NAV1: variants seen among roughly 807,000 people sequenced by gnomAD.
NAV1 encodes neuron navigator 1.
A neutral mutation model predicts 175.2 loss-of-function variants in NAV1; 18 were observed. The ratio of observed to expected loss-of-function variants is 0.10; its 90% CI spans 0.07 to 0.15. The LOEUF is 0.15. Among genes scored for constraint, NAV1 ranks in the 10% least tolerant of loss-of-function variants. The pLI is 1.00. For synonymous variants in NAV1, 897 were observed against 978.7 expected (o/e 0.92, Z 1.56); for missense variants, 1,731 against 2,436.6 (o/e 0.71, Z 6.10).
intron 1 of NAV1, among the ~76,000 whole-genome samples, chr1:201,543,990 C>CA (rs1350016303): frequency 6.6e-6 from 1 of 152,254 alleles, no homozygotes; most frequent in African/African-American, 2.4e-5. Flanking sequence ...CCGGAGGGGC[C>CA]ACCACTGGCC....
intron 15 of NAV1, among the ~76,000 whole-genome samples, chr1:201,802,050 T>C (rs1677911109): frequency 1.4e-5 from 2 of 139,412 alleles, no homozygotes; most frequent in South Asian, 4.8e-4. Flanking sequence ...GGCAGGAGAA[T>C]GGCGTGAACC....
chr1:201,780,366 T>A, intron 3 of NAV1, 55 bp from the exon 8 acceptor site: 1 of 1,605,764 alleles, frequency 6.2e-7, no homozygotes, highest in Non-Finnish European at 8.5e-7. Flanking sequence ...GAAACATTTA[T>A]TTTTTGCCTG....
chr1:201,565,786 G>A (rs1178338979), intron 1 of NAV1, among the ~76,000 whole-genome samples: 1 of 152,098 alleles, frequency 6.6e-6, no homozygotes, highest in Non-Finnish European at 1.5e-5. Flanking sequence ...TTGAAGGTGG[G>A]ACCCCAGGCC....
intron 11 of NAV1, 132 bp downstream of exon 15, chr1:201,789,924 G>A: frequency 1.2e-6 from 1 of 846,686 alleles, no homozygotes; most frequent in Non-Finnish European, 2.0e-6. Flanking sequence ...ACCCATTGGG[G>A]TGGGAATGGG....
chr1:201,780,688 G>A (rs1477056452), intron 4 of NAV1, 129 bp downstream of exon 8: 3 of 1,282,166 alleles, frequency 2.3e-6, no homozygotes, highest in African/African-American at 3.0e-5. Context: ...CTTTGGCCAG[G>A]TCATTTTAGA....
chr1:201,700,733 C>T lies in NAV1; in HGVS notation c.758-12084C>T, dbSNP rs189060923. On this transcript the variant is annotated intron_variant, in intron 1 of 29. Coordinates refer to ENST00000367296, the Ensembl canonical transcript of NAV1. ...GGATTAAGAAAATGTAGCACATTGC[C>T]GGGCGCAATGGCTCACGCCTGTAAT... Among the ~76,000 whole-genome samples the T allele has an allele frequency of 2.8e-4, 42 of 152,208 alleles. No individual in the cohort carries two copies. In the South Asian group the frequency reaches 3.7e-3, roughly 14 times the overall value.
chr1:201,628,678 G>A (rs557941610), intron 1 of NAV1, among the ~76,000 whole-genome samples: 27 of 152,262 alleles, frequency 1.8e-4, no homozygotes, highest in African/African-American at 4.8e-4. Flanking sequence ...ATGGGTGGGC[G>A]GGCCAGCTCC....
intron 1 of NAV1, among the ~76,000 whole-genome samples, chr1:201,564,797 A>T (rs1330786072): frequency 6.6e-6 from 1 of 152,232 alleles, no homozygotes; most frequent in Non-Finnish European, 1.5e-5. Flanking sequence ...TGGAGGATCC[A>T]GGGGAGAATC....
At chr1:201,692,238 G>A (rs1252897366) in intron 1 of NAV1, among the ~76,000 whole-genome samples, 2 of 152,318 alleles carry the variant, frequency 1.3e-5, no homozygotes, top group East Asian at 3.9e-4. Flanking sequence ...CGTGGTGAAT[G>A]CTGAGTTGTG....
chr1:201,645,598 A>G (rs1425672039), upstream of NAV1, among the ~76,000 whole-genome samples: 1 of 152,208 alleles, frequency 6.6e-6, no homozygotes, highest in African/African-American at 2.4e-5. Context: ...GGACTAACCT[A>G]CAGACATGGG....
exon 30 of NAV1, chr1:201,824,972 T>C (rs1679590248): frequency 6.6e-6 from 1 of 152,194 alleles, no homozygotes; most frequent in Non-Finnish European, 1.5e-5. Flanking sequence ...TTTATAGTAT[T>C]GGAGTTCCCA....
At chr1:201,549,612 G>A (rs1300258847) in intron 1 of NAV1, among the ~76,000 whole-genome samples, 3 of 151,732 alleles carry the variant, frequency 2.0e-5, no homozygotes, top group Admixed American at 2.0e-4. Context: ...TCATGATCAT[G>A]TAAATGACAT....
chr1:201,786,365 C>T (rs765664848), intron 8 of NAV1, 64 bp from the exon 13 acceptor site: 61 of 1,526,150 alleles, frequency 4.0e-5, no homozygotes, highest in African/African-American at 6.8e-5. Flanking sequence ...ACACCCTCCG[C>T]ACCAACTAAA....
intron 6 of NAV1, 64 bp from the exon 11 acceptor site, chr1:201,783,342 G>A (rs10920253): frequency 6.8e-7 from 1 of 1,462,192 alleles, no homozygotes; most frequent in African/African-American, 1.4e-5. Flanking sequence ...ATTTCTTTAA[G>A]GTCCTATCTG....
chr1:201,631,814 A>G (rs1052584167), intron 2 of NAV1, among the ~76,000 whole-genome samples: 2 of 152,206 alleles, frequency 1.3e-5, no homozygotes, highest in African/African-American at 4.8e-5. Context: ...TTCCATATCA[A>G]TTTGTAGATG....
intron 1 of NAV1, among the ~76,000 whole-genome samples, chr1:201,626,010 G>A (rs946375463): frequency 1.3e-5 from 2 of 152,178 alleles, no homozygotes; most frequent in African/African-American, 2.4e-5. Context: ...TGGAGAGAGG[G>A]TCATGGCACA....
chr1:201,734,499 G>GAGAAGGAGAAGAAGAAGAAGAAGAAGA (rs1673018410), intron 3 of NAV1, among the ~76,000 whole-genome samples: 64 of 121,152 alleles, frequency 5.3e-4, no homozygotes, highest in South Asian at 4.8e-4. Context: ...GAAGGAGAAG[G>GAGAAGGAGAAGAAGAAGAAGAAGAAGA]AGAAGAAGAA....
intron 1 of NAV1, among the ~76,000 whole-genome samples, chr1:201,572,176 G>T (rs989771912): frequency 3.3e-5 from 5 of 152,054 alleles, no homozygotes; most frequent in African/African-American, 1.2e-4. Context: ...TGGGCAGCGG[G>T]GTTTTTGGTC....
chr1:201,602,637 G>GT (rs386369319), intron 2 of NAV1, among the ~76,000 whole-genome samples: 22,557 of 113,914 alleles, frequency 0.2, 2,178 homozygotes, highest in African/African-American at 0.29. Flanking sequence ...CTTAAGCTAT[G>GT]TTTTTTTTTT....
Sources: allele counts gnomAD v4.1 joint callset (sites outside exome capture counted in the v4.1 genomes callset), GRCh38; gene constraint gnomAD v4.1.1; transcripts MANE v1.5; gene names NCBI Gene and HGNC (gene_info 2026-07-23, HGNC 2026-07-21).